The following SLC5A2 variants were observed in gnomAD, a reference collection of about 807,000 sequenced individuals.
The protein encoded by SLC5A2 is sodium/glucose cotransporter 2.
In SLC5A2, 67 loss-of-function variants were observed where a neutral mutation model predicts 69.0. The observed-to-expected ratio is 0.97, with a 90% confidence interval of 0.80 to 1.19. The LOEUF (loss-of-function observed/expected upper bound fraction) is 1.19. Among genes scored for constraint, SLC5A2 ranks in the 50% most tolerant of loss-of-function variants. The pLI is 0.00. For missense variants in SLC5A2, 1,001 were observed against 921.5 expected (o/e 1.09, Z -1.12); for synonymous variants, 455 against 395.8 (o/e 1.15, Z -1.78).
chr16:31,489,230 T>C lies in SLC5A2; in HGVS notation c.1557T>C (p.Ala519=), dbSNP rs2082534978. ...GTGTGCAGCCCTCGGCGTGCCCAGC[T>C]TTCCTCTGCGGCGTGCACTACCTCT... ...GSCVQPSACP[A]FLCGVHYLYF... Residue 519 remains alanine (A), a synonymous_variant, in exon 12 of 14, where the codon GCT becomes GCC. Transcript: ENST00000330498. 1 of 1,610,564 alleles carries C rather than the reference T, an allele frequency of 6.2e-7. No individual in the cohort carries two copies. Among genetic ancestry groups the C allele is most frequent in the Non-Finnish European group, 8.5e-7 (1 of 1,179,974 alleles).
intron 12 of SLC5A2, chr16:31,489,752 G>C (rs777954187): frequency 7.9e-5 from 35 of 445,424 alleles, no homozygotes; most frequent in Non-Finnish European, 1.3e-4. Flanking sequence ...GGATGGCCGG[G>C]TTTCTGCAGC....
Position 31,487,769 on chromosome 16 carries a change from T to C in SLC5A2, c.885+10T>C, listed in dbSNP as rs2082510127. 2 of 1,602,754 alleles carry C rather than the reference T, an allele frequency of 1.2e-6. No individual in the cohort carries two copies. The highest frequency in any genetic ancestry group is 1.7e-6 in the Non-Finnish European group (2 of 1,176,272). On this transcript the variant is annotated intron_variant, in intron 7 of 13. Transcript: ENST00000330498. Reference sequence around the variant, plus strand: ...CTGGTGCAGCGACCAGGTGCGGGTATAGGGCTGCGCCTGCAGTGAGGCCGG... The same window carrying C: ...CTGGTGCAGCGACCAGGTGCGGGTACAGGGCTGCGCCTGCAGTGAGGCCGG...
At position 31,484,603 on chromosome 16, in the gene SLC5A2, T is replaced by A. The variant is rs1425757250; in HGVS notation, c.127-70T>A. The stretch of plus-strand genomic sequence containing the variant: ...TTCAGCCAGAAACAAGGCTGAGGAA[T>A]GTGTTGAGGTGGCTGATGAGGTCCA... On this transcript the variant is annotated intron_variant, in intron 1 of 13. Transcript: ENST00000330498. The A allele has an allele frequency of 2.7e-6, 4 of 1,464,834 alleles. No individual in the cohort carries two copies. The African/African-American group carries it at 4.2e-5, about 15-fold the overall frequency. The allele number at this position is 1,464,834 out of a possible 1,614,324, so 90.7% of individuals were successfully genotyped here.
Position 31,488,473 on chromosome 16 carries a change from T to G in SLC5A2, c.1112T>G (p.Val371Gly), listed in dbSNP as rs766709389. 3 of 1,609,334 alleles carry G rather than the reference T, an allele frequency of 1.9e-6. No individual in the cohort carries two copies. Among genetic ancestry groups the G allele is most frequent in the Non-Finnish European group, 2.5e-6 (3 of 1,179,040 alleles). The change falls in exon 9 of 14, where the codon GTG becomes GGG. Residue 371 changes from valine to glycine, a missense_variant. Coordinates refer to ENST00000330498, the MANE Select transcript of SLC5A2 (RefSeq NM_003041.4). The part of the protein sequence containing the change: ...CSNIAYPRLV[V>G]KLMPNGLRGL... ...AACATCGCCTACCCGCGGCTCGTCG[T>G]GAAGCTCATGCCCAACGGTAAGGGC...
intron 7 of SLC5A2, 43 bp downstream of exon 7, chr16:31,487,802 C>T: frequency 6.4e-7 from 1 of 1,550,610 alleles, no homozygotes; most frequent in Non-Finnish European, 8.7e-7. Context: ...CGGGGCGGAG[C>T]CGAGACGGGC....
chr16:31,483,203 C>A lies in SLC5A2; in HGVS notation c.67C>A (p.Pro23Thr), dbSNP rs1382300816. 2.1e-5 allele frequency: 34 copies of A among 1,613,932 alleles called. No homozygotes were observed. The highest frequency in any genetic ancestry group is 2.7e-5 in the Non-Finnish European group (32 of 1,180,040). Reference protein sequence around the residue: ...MGAQKALIDNPADILVIAAYF... With the variant: ...MGAQKALIDNTADILVIAAYF... The stretch of plus-strand genomic sequence containing the variant: ...GGCCCAGAAGGCCCTGATTGACAAT[C>A]CTGCTGACATCCTAGTCATTGCTGC... The change falls in exon 1 of 14, where the codon CCT becomes ACT. Residue 23 changes from proline (P) to threonine (T), a missense_variant. Transcript: ENST00000330498.
In SLC5A2 at chr16:31,487,758, A is replaced by G. The variant is rs369690231; in HGVS notation, c.884A>G (p.Gln295Arg). Residue 295 changes from glutamine to arginine, a missense_variant and splice_region_variant, in exon 7 of 14, where the codon CAG becomes CGG. By Grantham distance (43) the Gln-to-Arg change is conservative. Coordinates refer to ENST00000330498, the MANE Select transcript of SLC5A2 (RefSeq NM_003041.4). ...TCGGGCTGGTACTGGTGCAGCGACC[A>G]GGTGCGGGTATAGGGCTGCGCCTGC... ...IVSGWYWCSD[Q>R]VIVQRCLAGK... The G allele has an allele frequency of 1.9e-6, 3 of 1,607,600 alleles. No individual in the cohort carries two copies. Among genetic ancestry groups the G allele is most frequent in the African/African-American group, 1.3e-5 (1 of 74,874 alleles).
At position 31,489,003 on chromosome 16, in the gene SLC5A2, C is replaced by T; in HGVS notation, c.1404C>T (p.Ser468=). 1.9e-6 allele frequency: 3 copies of T among 1,600,674 alleles called. No individual in the cohort carries two copies. The highest frequency in any genetic ancestry group is 2.2e-5 in the South Asian group (2 of 91,074). Residue 468 remains serine (S), a synonymous_variant, in exon 11 of 14, where the codon TCC becomes TCT. Coordinates refer to ENST00000330498, the MANE Select transcript of SLC5A2 (RefSeq NM_003041.4). ...CTAGCTACCTGGCACCGCCCGTGTC[C>T]GCCGTCTTCGTGCTGGCGCTCTTCG... The part of the protein sequence containing the change: ...AVSSYLAPPV[S]AVFVLALFVP...
At position 31,490,628 on chromosome 16, in the gene SLC5A2, G is replaced by C. The variant is rs2082558385; in HGVS notation, c.*93G>C. On this transcript the variant is annotated 3_prime_UTR_variant, in exon 14 of 14. Transcript: ENST00000330498. ...CCCCAGAAAAGGGGAAGGGGCAGTG[G>C]GGTGAGAAGGTCCTGGCTCCCCTTC... 1 of 1,188,590 alleles carries C rather than the reference G, an allele frequency of 8.4e-7. No homozygotes were observed. The highest frequency in any genetic ancestry group is 1.2e-6 in the Non-Finnish European group (1 of 818,200). 73.6% of individuals were successfully genotyped at this position (1,188,590 alleles called of 1,614,324 possible). A position where few individuals can be genotyped will look rare whatever the true frequency, so the allele number is the denominator to read the frequency against.
At chr16:31,485,378 G>A (rs1015174525) in intron 3 of SLC5A2, 2 of 462,194 alleles carry the variant, frequency 4.3e-6, no homozygotes, top group Admixed American at 3.5e-5. Context: ...TGGAGGAGGA[G>A]ACTGCTGAGC....
In SLC5A2 at chr16:31,490,417, C is replaced by T. The variant is rs146166287; in HGVS notation, c.1901C>T (p.Ala634Val). The change falls in exon 14 of 14, where the codon GCG becomes GTG. Residue 634 changes from alanine (A) to valine (V), a missense_variant. Coordinates refer to ENST00000330498, the MANE Select transcript of SLC5A2 (RefSeq NM_003041.4). ...SPPPLTQEEAAAAARRLEDIS... is the reference protein window; with the variant it reads ...SPPPLTQEEAVAAARRLEDIS... Reference sequence around the variant, plus strand: ...CCGCCCCTTACCCAGGAGGAGGCAGCGGCAGCAGCCAGGCGGCTGGAGGAC... The same window carrying T: ...CCGCCCCTTACCCAGGAGGAGGCAGTGGCAGCAGCCAGGCGGCTGGAGGAC... 3.7e-5 allele frequency: 60 copies of T among 1,613,300 alleles called. No individual in the cohort carries two copies. The highest frequency in any genetic ancestry group is 8.0e-5 in the African/African-American group (6 of 74,932).
intron 7 of SLC5A2, 35 bp from the exon 8 acceptor site, chr16:31,488,003 G>A (rs2082513362): frequency 6.2e-7 from 1 of 1,608,472 alleles, no homozygotes; most frequent in South Asian, 1.1e-5. Context: ...CCGAGGGGAG[G>A]CCCGCAAGCG....
chr16:31,484,269 C>A (rs965476907), intron 1 of SLC5A2, among the ~76,000 whole-genome samples: 2 of 151,684 alleles, frequency 1.3e-5, no homozygotes, highest in East Asian at 3.9e-4. Flanking sequence ...CACACACACA[C>A]AAAAAGCTGG....
chr16:31,486,318 G>T (rs1443427661), intron 5 of SLC5A2, 43 bp downstream of exon 5: 4 of 1,462,124 alleles, frequency 2.7e-6, no homozygotes, highest in Non-Finnish European at 2.9e-6. Context: ...CTGGGACACT[G>T]CTGCCAGCTG....
chr16:31,487,962 G>A (rs914154198), intron 7 of SLC5A2, 76 bp from the exon 8 acceptor site: 1 of 1,592,294 alleles, frequency 6.3e-7, no homozygotes. Flanking sequence ...CCAGAGGCGG[G>A]GCACAGAGCG....
intron 6 of SLC5A2, 59 bp downstream of exon 6, chr16:31,487,459 G>A: frequency 6.2e-7 from 1 of 1,609,748 alleles, no homozygotes; most frequent in Non-Finnish European, 8.5e-7. Flanking sequence ...CTCTCGGCCT[G>A]CGCGCGGGGC....
In SLC5A2 at chr16:31,484,681, C is replaced by T. The variant is rs1256119507; in HGVS notation, c.135C>T (p.Cys45=). 1 of 1,607,890 alleles carries T rather than the reference C, an allele frequency of 6.2e-7. No homozygotes were observed. Among genetic ancestry groups the T allele is most frequent in the Admixed American group, 1.7e-5 (1 of 60,024 alleles). ...LVIGVGLWSM[C]RTNRGTVGGY... is the part of the protein sequence containing the mutation. ...CCGCCTCTGTCTCCCAGTCCATGTG[C>T]AGAACCAACAGAGGCACTGTGGGCG... Residue 45 remains cysteine, a synonymous_variant, in exon 2 of 14, where the codon TGC becomes TGT. Coordinates refer to ENST00000330498, the MANE Select transcript of SLC5A2 (RefSeq NM_003041.4).
Position 31,485,806 on chromosome 16 carries a change from G to C in SLC5A2, c.381G>C (p.Gln127His). 1 of 1,613,624 alleles carries C rather than the reference G, an allele frequency of 6.2e-7. No individual in the cohort carries two copies. The highest frequency in any genetic ancestry group is 8.5e-7 in the Non-Finnish European group (1 of 1,180,036). Reference protein sequence around the residue: ...YLTAGVITMPQYLRKRFGGRR... With the variant: ...YLTAGVITMPHYLRKRFGGRR... ...CAGCGGGGGTCATCACGATGCCACA[G>C]TACCTGCGCAAGCGCTTCGGCGGCC... Residue 127 changes from glutamine (Q) to histidine (H), a missense_variant, in exon 4 of 14, where the codon CAG becomes CAC. Gln to His is a conservative substitution (Grantham distance 24). Coordinates refer to ENST00000330498, the MANE Select transcript of SLC5A2 (RefSeq NM_003041.4).
Position 31,487,641 on chromosome 16 carries a change from A to G in SLC5A2, c.767A>G (p.Tyr256Cys), listed in dbSNP as rs1377916474. The G allele has an allele frequency of 5.6e-6, 9 of 1,613,636 alleles. No individual in the cohort carries two copies. Among genetic ancestry groups the G allele is most frequent in the African/African-American group, 1.3e-5 (1 of 74,888 alleles). The part of the protein sequence containing the change: ...PAVGNISSFC[Y>C]RPRPDSYHLL... The stretch of plus-strand genomic sequence containing the variant: ...GTGGGAAACATCTCCAGCTTCTGCT[A>G]TCGACCCCGGCCCGACTCCTACCAC... Residue 256 changes from tyrosine (Y) to cysteine (C), a missense_variant, in exon 7 of 14, where the codon TAT (tyrosine) becomes TGT (cysteine). Transcript: ENST00000330498.
Sources: allele counts gnomAD v4.1 joint callset (sites outside exome capture counted in the v4.1 genomes callset), GRCh38; gene constraint gnomAD v4.1.1; transcripts MANE v1.5; gene names NCBI Gene and HGNC (gene_info 2026-07-23, HGNC 2026-07-21).